Variants in PVT1 observed in about 807,000 individuals in gnomAD.
PVT1 encodes Pvt1 oncogene.
At chr8:127,831,043 C>CGT (rs59440311) in intron 2 of PVT1, among the ~76,000 whole-genome samples, 1,178 of 101,208 alleles carry the variant, frequency 0.012, 7 homozygotes, top group African/African-American at 0.029. Flanking sequence ...TATATACATA[C>CGT]GTGTGTGTGT....
chr8:127,931,366 C>T (rs1267800939), intron 3 of PVT1, among the ~76,000 whole-genome samples: 1 of 152,160 alleles, frequency 6.6e-6, no homozygotes, highest in Non-Finnish European at 1.5e-5. Context: ...GAATGCAGGC[C>T]CCATCTCTGT....
chr8:128,085,909 T>C (rs1367942497), intron 5 of PVT1, among the ~76,000 whole-genome samples: 2 of 152,240 alleles, frequency 1.3e-5, no homozygotes, highest in African/African-American at 4.8e-5. Context: ...AATGTACCTT[T>C]GTATGAATGT....
At chr8:127,953,997 T>G (rs1034681749) in intron 3 of PVT1, among the ~76,000 whole-genome samples, 20 of 152,158 alleles carry the variant, frequency 1.3e-4, no homozygotes, top group African/African-American at 4.6e-4. Context: ...GAAATACTGA[T>G]CATCTTGAAT....
At chr8:128,054,361 A>G (rs1236476639) in intron 4 of PVT1, among the ~76,000 whole-genome samples, 2 of 152,188 alleles carry the variant, frequency 1.3e-5, no homozygotes, top group Non-Finnish European at 2.9e-5. Context: ...ACCTGTGCCT[A>G]AGATGAAGTT....
chr8:127,868,430 C>T (rs959364552), intron 2 of PVT1, among the ~76,000 whole-genome samples: 2 of 151,974 alleles, frequency 1.3e-5, no homozygotes, highest in Non-Finnish European at 2.9e-5. Context: ...CTCTATTGCC[C>T]AGGTTGGAGT....
intron 5 of PVT1, among the ~76,000 whole-genome samples, chr8:128,074,013 T>C (rs1814045903): frequency 6.6e-6 from 1 of 152,092 alleles, no homozygotes; most frequent in Non-Finnish European, 1.5e-5. Flanking sequence ...CAAGTGCCAT[T>C]TTCTCTTCTC....
At position 128,077,982 on chromosome 8, in the gene PVT1, G is replaced by T. The variant is rs932542072; in HGVS notation, n.1114+7621G>T. On this transcript the variant is annotated intron_variant and non_coding_transcript_variant, in intron 5 of 10. Coordinates refer to ENST00000651587, the Ensembl canonical transcript of PVT1. The stretch of plus-strand genomic sequence containing the variant: ...AGTCAGTTCAAGTGAACTAGAATGG[G>T]CAGAGAGGGGTCGTGGGGATGGTTC... Among the ~76,000 whole-genome samples, 4 of 152,340 alleles carry T rather than the reference G, an allele frequency of 2.6e-5. No individual in the cohort carries two copies. In the South Asian group the frequency reaches 6.2e-4, roughly 24 times the overall value.
chr8:128,042,370 A>G (rs1410077812), intron 4 of PVT1, among the ~76,000 whole-genome samples: 3 of 152,228 alleles, frequency 2.0e-5, no homozygotes, highest in Non-Finnish European at 4.4e-5. Flanking sequence ...AAAGAATAAT[A>G]TTGAGCAAGA....
At chr8:127,870,141 TATC>T (rs1254641943) in intron 2 of PVT1, among the ~76,000 whole-genome samples, 1 of 152,162 alleles carries the variant, frequency 6.6e-6, no homozygotes, top group Non-Finnish European at 1.5e-5. Context: ...CTTAAGATGA[TATC>T]ATATTGGATT....
At chr8:128,075,788 A>G (rs1235801163) in intron 5 of PVT1, among the ~76,000 whole-genome samples, 2 of 152,244 alleles carry the variant, frequency 1.3e-5, no homozygotes, top group South Asian at 2.1e-4. Context: ...ACATTGTTCT[A>G]TTGTTTCATG....
intron 4 of PVT1, among the ~76,000 whole-genome samples, chr8:128,035,860 T>C (rs1813455727): frequency 6.6e-6 from 1 of 152,204 alleles, no homozygotes; most frequent in African/African-American, 2.4e-5. Flanking sequence ...CCTCTAGAAG[T>C]GGAAGACAAG....
At chr8:127,978,091 T>C (rs550122457) in intron 3 of PVT1, among the ~76,000 whole-genome samples, 1 of 152,354 alleles carries the variant, frequency 6.6e-6, no homozygotes, top group East Asian at 1.9e-4. Context: ...CTGTCACTTC[T>C]TTCAAGCTGC....
At chr8:127,839,393 T>TA (rs1177000744) in intron 2 of PVT1, among the ~76,000 whole-genome samples, 1 of 150,952 alleles carries the variant, frequency 6.6e-6, no homozygotes, top group Non-Finnish European at 1.5e-5. Context: ...ACCAAAATTA[T>TA]AAAAAAATTA....
chr8:127,841,432 C>T (rs778843305), intron 2 of PVT1, among the ~76,000 whole-genome samples: 23 of 152,036 alleles, frequency 1.5e-4, no homozygotes, highest in Non-Finnish European at 2.9e-4. Flanking sequence ...CACCACCACG[C>T]TTGGCTAATT....
chr8:127,919,574 C>T (rs1816032296), intron 3 of PVT1, among the ~76,000 whole-genome samples: 1 of 152,234 alleles, frequency 6.6e-6, no homozygotes, highest in African/African-American at 2.4e-5. Flanking sequence ...GCTACCCACT[C>T]CGGCTCTATT....
chr8:128,020,801 T>C (rs778688866), intron 4 of PVT1, among the ~76,000 whole-genome samples: 5 of 152,244 alleles, frequency 3.3e-5, no homozygotes, highest in Non-Finnish European at 7.3e-5. Context: ...AGGATCCTAG[T>C]GTTTGGGAAT....
chr8:127,961,598 A>G (rs1316282471), intron 3 of PVT1, among the ~76,000 whole-genome samples: 2 of 152,212 alleles, frequency 1.3e-5, no homozygotes, highest in Non-Finnish European at 2.9e-5. Context: ...AGGTTCTCCT[A>G]CCAGCAAGCT....
At chr8:127,822,833 A>T (rs912893210) in intron 2 of PVT1, among the ~76,000 whole-genome samples, 7 of 152,214 alleles carry the variant, frequency 4.6e-5, no homozygotes, top group African/African-American at 1.4e-4. Context: ...GCAAACTGCA[A>T]TGTGGCAAGT....
chr8:127,933,378 A>G (rs1816234564), intron 3 of PVT1, among the ~76,000 whole-genome samples: 1 of 152,224 alleles, frequency 6.6e-6, no homozygotes, highest in African/African-American at 2.4e-5. Context: ...CCTGGCCAGT[A>G]TCATGGATAT....
Sources: allele counts gnomAD v4.1 joint callset (sites outside exome capture counted in the v4.1 genomes callset), GRCh38; gene constraint gnomAD v4.1.1; transcripts MANE v1.5; gene names NCBI Gene and HGNC (gene_info 2026-07-23, HGNC 2026-07-21).